Variants in EMID1 observed in about 807,000 individuals in gnomAD.
The protein encoded by EMID1 is EMI domain-containing protein 1.
EMID1 carries 40 observed loss-of-function variants against 60.6 expected under a neutral mutation model. That is an observed-to-expected ratio of 0.66 (90% CI 0.51 to 0.86). EMID1 has a LOEUF of 0.86. Ranked by LOEUF, EMID1 falls within the 40% of genes least tolerant of loss-of-function variation. The pLI is 0.00. For synonymous variants in EMID1, 242 were observed against 231.0 expected (o/e 1.05, Z -0.43); for missense variants, 585 against 597.1 (o/e 0.98, Z 0.21).
At chr22:29,231,479 G>C (rs1432401240) in intron 6 of EMID1, 114 bp from the exon 7 acceptor site, 2 of 1,131,228 alleles carry the variant, frequency 1.8e-6, no homozygotes, top group Non-Finnish European at 1.3e-6. Flanking sequence ...GCCATAGAGA[G>C]TGTGAGGGTC....
intron 3 of EMID1, among the ~76,000 whole-genome samples, chr22:29,216,813 G>A (rs914324107): frequency 6.6e-6 from 1 of 152,232 alleles, no homozygotes; most frequent in African/African-American, 2.4e-5. Flanking sequence ...CTGACATGGG[G>A]TAGAGGAGTA....
intron 5 of EMID1, 141 bp downstream of exon 5, chr22:29,226,692 C>T (rs1033893893): frequency 1.8e-5 from 14 of 764,422 alleles, no homozygotes; most frequent in East Asian, 3.2e-5. Context: ...TGAACTGACT[C>T]GGCGAGCAGC....
chr22:29,216,770 C>G, intron 3 of EMID1: 1 of 636,996 alleles, frequency 1.6e-6, no homozygotes, highest in Non-Finnish European at 2.0e-6. Context: ...GGGTTCAGAA[C>G]TCACCACGCA....
chr22:29,235,155 C>T (rs1279548825), intron 12 of EMID1, among the ~76,000 whole-genome samples: 18 of 152,080 alleles, frequency 1.2e-4, no homozygotes, highest in Admixed American at 1.2e-3. Context: ...CAAGACCAGC[C>T]TGGTCAACAT....
At chr22:29,233,174 G>T (rs549414718) in intron 8 of EMID1, 7 of 626,096 alleles carry the variant, frequency 1.1e-5, no homozygotes, top group African/African-American at 1.1e-4. Context: ...TTGCAGTGGG[G>T]TTAGAACCCA....
At chr22:29,220,574 C>T (rs548878517) in intron 3 of EMID1, among the ~76,000 whole-genome samples, 4 of 152,028 alleles carry the variant, frequency 2.6e-5, no homozygotes, top group South Asian at 4.2e-4. Context: ...TCTCGGGGGT[C>T]GGTTGTGAAC....
Position 29,234,193 on chromosome 22 carries a change from C to T in EMID1, c.1023C>T (p.Gly341=), listed in dbSNP as rs780485080. 1.4e-5 allele frequency: 22 copies of T among 1,604,874 alleles called. No homozygotes were observed. The highest frequency in any genetic ancestry group is 1.3e-4 in the East Asian group (6 of 44,552). Residue 341 remains glycine (G), a synonymous_variant, in exon 11 of 15, where the codon GGC becomes GGT. Coordinates refer to ENST00000334018, the MANE Select transcript of EMID1 (RefSeq NM_133455.4). ...KGISGHPGEK[G]ERGLRGEPGP... is the part of the protein sequence containing the mutation. ...TCTCTGGCCACCCAGGAGAGAAGGG[C>T]GAGAGAGTGAGTACCCAGGTGGCCC...
chr22:29,233,525 A>G, intron 9 of EMID1, 57 bp downstream of exon 9: 1 of 1,607,590 alleles, frequency 6.2e-7, no homozygotes. Context: ...CAGAGGGAAT[A>G]GGGTTTGTGG....
intron 3 of EMID1, among the ~76,000 whole-genome samples, chr22:29,218,362 C>G (rs116562660): frequency 0.023 from 3,496 of 152,286 alleles, 128 homozygotes; most frequent in African/African-American, 0.077. Flanking sequence ...CACTTTGTGA[C>G]GAATGAGGAT....
chr22:29,231,246 T>G, intron 6 of EMID1, 106 bp downstream of exon 6: 2 of 1,442,408 alleles, frequency 1.4e-6, no homozygotes, highest in Non-Finnish European at 1.9e-6. Flanking sequence ...CTTAACCCTC[T>G]AGTGGGCCTC....
chr22:29,236,269 A>C (rs5763079), intron 12 of EMID1, among the ~76,000 whole-genome samples: 66,641 of 151,930 alleles, frequency 0.44, 15,691 homozygotes, highest in Non-Finnish European at 0.53. Flanking sequence ...GGTAGTGTGC[A>C]CCTGTAGATT....
At chr22:29,216,182 T>C in intron 3 of EMID1, 1 of 435,364 alleles carries the variant, frequency 2.3e-6, no homozygotes, top group Non-Finnish European at 3.1e-6. Flanking sequence ...CTCAGGGACT[T>C]CTCTCACCCC....
In EMID1 at chr22:29,258,961, T is replaced by C. The variant is rs1177925901; in HGVS notation, c.*17T>C. 1.2e-6 allele frequency: 2 copies of C among 1,608,376 alleles called. No individual in the cohort carries two copies. The highest frequency in any genetic ancestry group is 1.3e-5 in the African/African-American group (1 of 74,888). ...AGAGGCTGAGGGTGGTGGCGGCCCCTGAGGCAGACCAGGCCAGGCTTCCCC... is the reference window on the plus strand; with the variant it reads ...AGAGGCTGAGGGTGGTGGCGGCCCCCGAGGCAGACCAGGCCAGGCTTCCCC... On this transcript the variant is annotated 3_prime_UTR_variant, in exon 15 of 15. Transcript: ENST00000334018.
intron 1 of EMID1, among the ~76,000 whole-genome samples, chr22:29,206,843 A>C (rs1003446180): frequency 6.6e-6 from 1 of 152,206 alleles, no homozygotes; most frequent in Non-Finnish European, 1.5e-5. Context: ...CGGTTAAGCA[A>C]ACTGAGACCC....
chr22:29,244,937 A>T (rs1190534735), intron 13 of EMID1, among the ~76,000 whole-genome samples: 1 of 152,100 alleles, frequency 6.6e-6, no homozygotes, highest in South Asian at 2.1e-4. Flanking sequence ...CCCCCTCCAC[A>T]TGCAGTCTGG....
At chr22:29,225,351 C>T (rs1338630000) in intron 4 of EMID1, 135 bp downstream of exon 4, 1 of 883,974 alleles carries the variant, frequency 1.1e-6, no homozygotes, top group South Asian at 1.7e-5. Context: ...TATCTTCCCA[C>T]CCCATGCTCC....
intron 7 of EMID1, 108 bp from the exon 8 acceptor site, chr22:29,232,148 G>A: frequency 7.5e-7 from 1 of 1,329,528 alleles, no homozygotes; most frequent in South Asian, 1.2e-5. Context: ...TGGACTCCGG[G>A]GCCCTCTCTC....
chr22:29,258,292 G>C (rs915319661), intron 14 of EMID1, among the ~76,000 whole-genome samples: 19 of 152,272 alleles, frequency 1.2e-4, no homozygotes, highest in African/African-American at 3.4e-4. Context: ...GTTCCATCCG[G>C]AACTGTCCCT....
At chr22:29,231,886 A>G in intron 7 of EMID1, 1 of 566,760 alleles carries the variant, frequency 1.8e-6, no homozygotes. Context: ...TTCCCTGGGC[A>G]CCTACACTTA....
Sources: allele counts gnomAD v4.1 joint callset (sites outside exome capture counted in the v4.1 genomes callset), GRCh38; gene constraint gnomAD v4.1.1; transcripts MANE v1.5; gene names NCBI Gene and HGNC (gene_info 2026-07-23, HGNC 2026-07-21).